DNAAF5: variants seen among roughly 807,000 people sequenced by gnomAD.
DNAAF5 encodes the protein dynein axonemal assembly factor 5.
A neutral mutation model predicts 75.8 loss-of-function variants in DNAAF5; 64 were observed. The ratio of observed to expected loss-of-function variants is 0.84; its 90% CI spans 0.69 to 1.04. The LOEUF (loss-of-function observed/expected upper bound fraction) is 1.04. Ranked by LOEUF, DNAAF5 falls within the 50% of genes least tolerant of loss-of-function variation. DNAAF5 has a pLI of 0.00. For missense variants in DNAAF5, 1,269 were observed against 1,178.5 expected, an observed-to-expected ratio of 1.08 and a Z score of -1.12; for synonymous variants, 657 against 557.2, an observed-to-expected ratio of 1.18 and a Z score of -2.52.
In DNAAF5 at chr7:775,144, C is replaced by G. The variant is rs765221573; in HGVS notation, c.2221C>G (p.Leu741Val). 6.2e-7 allele frequency: 1 copy of G among 1,614,118 alleles called. No individual in the cohort carries two copies. Among genetic ancestry groups the G allele is most frequent in the Non-Finnish European group, 8.5e-7 (1 of 1,179,984 alleles). ...GGGCGGCATGACGGATCCAGAGAAA[C>G]TCATCAGGATTTATCCTGGTAGGAC... Reference protein sequence around the residue: ...TSGGMTDPEKLIRIYPELLKR... With the variant: ...TSGGMTDPEKVIRIYPELLKR... Residue 741 changes from leucine to valine, a missense_variant, in exon 11 of 13, where the codon CTC (leucine) becomes GTC (valine). By Grantham distance (32) the Leu-to-Val change is conservative. Transcript: ENST00000297440.
chr7:770,759 C>A, intron 9 of DNAAF5, 141 bp downstream of exon 9: 1 of 764,420 alleles, frequency 1.3e-6, no homozygotes, highest in Non-Finnish European at 2.0e-6. Flanking sequence ...TTCCCCATCT[C>A]CCTCCCCCAC....
At chr7:777,104 T>C (rs1302700046) in intron 11 of DNAAF5, among the ~76,000 whole-genome samples, 1 of 152,196 alleles carries the variant, frequency 6.6e-6, no homozygotes, top group African/African-American at 2.4e-5. Flanking sequence ...AGGCCCCCAC[T>C]GATTCTACAG....
intron 11 of DNAAF5, among the ~76,000 whole-genome samples, chr7:777,145 T>C (rs1778788732): frequency 6.6e-6 from 1 of 152,194 alleles, no homozygotes; most frequent in African/African-American, 2.4e-5. Flanking sequence ...TCTCATTATA[T>C]GTTACAATGT....
intron 6 of DNAAF5, among the ~76,000 whole-genome samples, chr7:759,926 C>T (rs189958792): frequency 7.9e-5 from 12 of 152,296 alleles, no homozygotes; most frequent in Non-Finnish European, 1.3e-4. Context: ...ATATTGTCCT[C>T]AGAAGTCAGC....
In DNAAF5 at chr7:774,140, C is replaced by A. The variant is rs757110526; in HGVS notation, c.2024C>A (p.Thr675Lys). Residue 675 changes from threonine to lysine, a missense_variant, in exon 10 of 13, where the codon ACG (threonine) becomes AAG (lysine). Physicochemically the swap from Thr to Lys is moderately conservative, Grantham distance 78. Coordinates refer to ENST00000297440, the MANE Select transcript of DNAAF5 (RefSeq NM_017802.4). Reference sequence around the variant, plus strand: ...GGGAGGACAGCCGCGGCCATCCGCACGGCTGCCGTGTCCTGCCTCTGGGCG... The same window carrying A: ...GGGAGGACAGCCGCGGCCATCCGCAAGGCTGCCGTGTCCTGCCTCTGGGCG... ...HAGRTAAAIR[T>K]AAVSCLWALT... 6 of 1,611,780 alleles carry A rather than the reference C, an allele frequency of 3.7e-6. No individual in the cohort carries two copies. In the South Asian group the frequency reaches 4.4e-5, roughly 12 times the overall value.
Position 727,196 on chromosome 7 carries a change from C to G in DNAAF5, c.476C>G (p.Ala159Gly). ...LGLAVDLCGA[A>G]LAPHLDDALR... ...CTGGCCGTGGACCTGTGCGGCGCCG[C>G]GCTCGCGCCCCACCTGGACGACGCT... Residue 159 changes from alanine to glycine, a missense_variant, in exon 1 of 13, where the codon GCG becomes GGG. By Grantham distance (60) the Ala-to-Gly change is moderately conservative (BLOSUM62 0). Transcript: ENST00000297440. 1 of 1,346,844 alleles carries G rather than the reference C, an allele frequency of 7.4e-7. No homozygotes were observed. The highest frequency in any genetic ancestry group is 1.7e-5 in the South Asian group (1 of 59,858). The allele number at this position is 1,346,844 out of a possible 1,614,324, so 83.4% of individuals were successfully genotyped here.
chr7:754,587 A>G lies in DNAAF5; in HGVS notation c.1025-2A>G. 6.2e-7 allele frequency: 1 copy of G among 1,604,214 alleles called. No homozygotes were observed. The highest frequency in any genetic ancestry group is 1.1e-5 in the South Asian group (1 of 89,718). On this transcript the variant is annotated splice_acceptor_variant, in intron 4 of 12. Coordinates refer to ENST00000297440, the MANE Select transcript of DNAAF5 (RefSeq NM_017802.4). LOFTEE classifies it high-confidence loss of function. The surrounding 1 kb of genome is among the most constrained non-coding windows in gnomAD (Gnocchi z 4.8). Reference sequence around the variant, plus strand: ...CATTCTTCTTTCCCTTTTTCGTTCCAGAGCGCCGCCCTGTGCTGGGCTGCC... The same window carrying G: ...CATTCTTCTTTCCCTTTTTCGTTCCGGAGCGCCGCCCTGTGCTGGGCTGCC...
intron 5 of DNAAF5, among the ~76,000 whole-genome samples, chr7:756,431 G>A (rs954897334): frequency 2.6e-5 from 4 of 151,986 alleles, no homozygotes; most frequent in Admixed American, 1.3e-4. Flanking sequence ...GGGCTTCCAC[G>A]GTACAGAGGG....
At position 763,860 on chromosome 7, in the gene DNAAF5, G is replaced by C; in HGVS notation, c.1669G>C (p.Asp557His). Residue 557 changes from aspartate to histidine, a missense_variant, in exon 8 of 13, where the codon GAC (aspartate) becomes CAC (histidine). By Grantham distance (81) the Asp-to-His change is moderately conservative (BLOSUM62 -1). Transcript: ENST00000297440. Reference sequence around the variant, plus strand: ...GGTGGAGGGTGTCAGCAGCTGCCAGGACCTCTACCGCAAGCACATTGGTCC... The same window carrying C: ...GGTGGAGGGTGTCAGCAGCTGCCAGCACCTCTACCGCAAGCACATTGGTCC... Reference protein sequence around the residue: ...AMVEGVSSCQDLYRKHIGPLL... With the variant: ...AMVEGVSSCQHLYRKHIGPLL... 6.2e-7 allele frequency: 1 copy of C among 1,613,430 alleles called. No homozygotes were observed. Among genetic ancestry groups the C allele is most frequent in the Non-Finnish European group, 8.5e-7 (1 of 1,180,042 alleles).
chr7:762,504 AG>A (rs199881946), intron 7 of DNAAF5, among the ~76,000 whole-genome samples: 1 of 151,104 alleles, frequency 6.6e-6, no homozygotes, highest in Admixed American at 6.6e-5. Flanking sequence ...AAAAAAAAAA[AG>A]TGCATGTGCA....
chr7:739,772 G>A (rs925162235), intron 2 of DNAAF5, among the ~76,000 whole-genome samples: 1 of 152,150 alleles, frequency 6.6e-6, no homozygotes. Context: ...CGGGTCCCAG[G>A]CCGGCAGGGG....
In DNAAF5 at chr7:785,695, A is replaced by AGTTTGTGGCCTTTAAAG; in HGVS notation, c.*43_*44insTTTGTGGCCTTTAAAGG. ...CACGGCACACCCTTGTCCCCACCTG[A>AGTTTGTGGCCTTTAAAG]GCCAGAGTTTGTGGCCTTTAAATCT... On this transcript the variant is annotated 3_prime_UTR_variant, in exon 13 of 13. Transcript: ENST00000297440. The AGTTTGTGGCCTTTAAAG allele has an allele frequency of 1.2e-6, 2 of 1,600,560 alleles. No individual in the cohort carries two copies. The highest frequency in any genetic ancestry group is 1.7e-6 in the Non-Finnish European group (2 of 1,172,822).
At chr7:741,541 G>A in intron 4 of DNAAF5, 76 bp downstream of exon 4, 1 of 917,368 alleles carries the variant, frequency 1.1e-6, no homozygotes, top group South Asian at 1.5e-5. Flanking sequence ...GAGCCTGAAG[G>A]AAGCTTCAGC....
chr7:785,439 C>T, intron 12 of DNAAF5, 78 bp from the exon 13 acceptor site: 1 of 1,542,540 alleles, frequency 6.5e-7, no homozygotes, highest in East Asian at 2.3e-5. Flanking sequence ...AACTTCACTA[C>T]AAAGCCAATT....
chr7:780,074 C>T lies in DNAAF5; in HGVS notation c.2361C>T (p.Val787=), dbSNP rs140641290. The change falls in exon 12 of 13, where the codon GTC becomes GTT. Residue 787 remains valine, a synonymous_variant. Transcript: ENST00000297440. ...CAAAATCCTACTATCAGAGCAGTGT[C>T]CAGTACCTGTACCGAGAGTTGCTGG... The part of the protein sequence containing the change: ...ANAKSYYQSS[V]QYLYRELLVH... 1.9e-4 allele frequency: 308 copies of T among 1,614,238 alleles called. No individual in the cohort carries two copies. The African/African-American group carries it at 3.2e-3, about 17-fold the overall frequency.
chr7:763,898 G>T lies in DNAAF5; in HGVS notation c.1707G>T (p.Arg569=), dbSNP rs180946359. Residue 569 remains arginine, a synonymous_variant, in exon 8 of 13, where the codon CGG becomes CGT. Transcript: ENST00000297440. ...YRKHIGPLLE[R]VTASHLDWTA... is the part of the protein sequence containing the mutation. ...AGCACATTGGTCCCCTCCTGGAGCGGGTGACCGCGTCGCACCTTGACTGGA... is the reference window on the plus strand; with the variant it reads ...AGCACATTGGTCCCCTCCTGGAGCGTGTGACCGCGTCGCACCTTGACTGGA... The T allele has an allele frequency of 3.4e-4, 544 of 1,612,690 alleles. 2 individuals are homozygous for T. Among genetic ancestry groups the T allele is most frequent in the Non-Finnish European group, 1.9e-4 (224 of 1,180,038 alleles).
At position 745,549 on chromosome 7, in the gene DNAAF5, G is replaced by A. The variant is rs192289352; in HGVS notation, c.1024+4084G>A. ...TGTGTACATGCATATCGTCACACGCGTACACACATCCTCGCACATGTGCAC... is the reference window on the plus strand; with the variant it reads ...TGTGTACATGCATATCGTCACACGCATACACACATCCTCGCACATGTGCAC... On this transcript the variant is annotated intron_variant, in intron 4 of 12. Transcript: ENST00000297440. Among the ~76,000 whole-genome samples the A allele has an allele frequency of 2.9e-3, 442 of 151,918 alleles. 3 individuals are homozygous for A. Among genetic ancestry groups the A allele is most frequent in the Non-Finnish European group, 4.1e-3 (281 of 67,954 alleles).
intron 12 of DNAAF5, among the ~76,000 whole-genome samples, chr7:781,754 C>T (rs1460984720): frequency 6.6e-6 from 1 of 152,236 alleles, no homozygotes; most frequent in Non-Finnish European, 1.5e-5. Flanking sequence ...TGGTGGTGGG[C>T]ACCTTTTCAG....
At chr7:782,777 C>T (rs955085800) in intron 12 of DNAAF5, among the ~76,000 whole-genome samples, 18 of 150,592 alleles carry the variant, frequency 1.2e-4, no homozygotes, top group African/African-American at 4.2e-4. Context: ...CTGGCGTGGC[C>T]GCCTCCCGTC....
Sources: gnomAD v4.1 joint callset for allele counts (sites outside exome capture counted in the v4.1 genomes callset) on GRCh38, gnomAD v4.1.1 for gene constraint, Gnocchi (gnomAD v3.1) non-coding constraint, MANE v1.5 for transcripts, NCBI Gene and HGNC (gene_info 2026-07-23, HGNC 2026-07-21) for gene names.